APAF1: variants seen among roughly 807,000 people sequenced by gnomAD.
APAF1 encodes the protein apoptotic protease-activating factor 1.
Under a neutral mutation model 152.4 loss-of-function variants are expected in APAF1, and 91 were observed. The ratio of observed to expected loss-of-function variants is 0.60; its 90% CI spans 0.50 to 0.71. APAF1 has a LOEUF of 0.71. Ranked by LOEUF, APAF1 falls within the 30% of genes least tolerant of loss-of-function variation. APAF1 has a pLI of 0.00. For synonymous variants in APAF1, 484 were observed against 494.1 expected, an observed-to-expected ratio of 0.98 and a Z score of 0.27; for missense variants, 1,283 against 1,472.0, an observed-to-expected ratio of 0.87 and a Z score of 2.10.
chr12:98,701,784 C>T (rs1025569324), intron 17 of APAF1, among the ~76,000 whole-genome samples: 1 of 152,132 alleles, frequency 6.6e-6, no homozygotes, highest in Non-Finnish European at 1.5e-5. Context: ...ATTTCTTACC[C>T]TTTGGTCTCT....
intron 22 of APAF1, among the ~76,000 whole-genome samples, chr12:98,716,476 A>C (rs1168819930): frequency 6.6e-6 from 1 of 152,200 alleles, no homozygotes; most frequent in Non-Finnish European, 1.5e-5. Context: ...GTAGTTGGAA[A>C]TTATTTTACA....
intron 16 of APAF1, among the ~76,000 whole-genome samples, chr12:98,698,966 G>A (rs1171664512): frequency 6.6e-6 from 1 of 152,146 alleles, no homozygotes; most frequent in African/African-American, 2.4e-5. Context: ...TGGATGCTCT[G>A]CTAGGTCACG....
intron 16 of APAF1, among the ~76,000 whole-genome samples, chr12:98,693,612 T>C (rs1174969832): frequency 6.6e-6 from 1 of 152,194 alleles, no homozygotes; most frequent in African/African-American, 2.4e-5. Flanking sequence ...GATTCAAACT[T>C]ACCAGGCATT....
rs73378471 is a variant in APAF1 at position 98,731,870 on chromosome 12, G to A, written c.3601-550G>A. On this transcript the variant is annotated intron_variant, in intron 26 of 26. Coordinates refer to ENST00000551964, the MANE Select transcript of APAF1 (RefSeq NM_181861.2). The stretch of plus-strand genomic sequence containing the variant: ...GCCCTTGCTACGTTTGAGATGTTCA[G>A]TATTTGTTTAGTAAATAAATAATAT... Among the ~76,000 whole-genome samples, 885 of 152,286 alleles carry A rather than the reference G, an allele frequency of 5.8e-3. 10 individuals are homozygous for A. Among genetic ancestry groups the A allele is most frequent in the African/African-American group, 0.02 (848 of 41,542 alleles).
intron 16 of APAF1, among the ~76,000 whole-genome samples, chr12:98,693,876 T>C (rs1247223132): frequency 2.0e-5 from 3 of 151,724 alleles, no homozygotes; most frequent in Non-Finnish European, 4.4e-5. Context: ...AGAAAGAATC[T>C]ATGGGAAGTA....
At chr12:98,676,455 C>T (rs1275000827) in intron 12 of APAF1, among the ~76,000 whole-genome samples, 7 of 152,090 alleles carry the variant, frequency 4.6e-5, no homozygotes, top group African/African-American at 7.2e-5. Flanking sequence ...GTGATCTGCC[C>T]GCCTCGTCCT....
chr12:98,654,582 A>G (rs1747176959), intron 4 of APAF1, among the ~76,000 whole-genome samples: 2 of 151,808 alleles, frequency 1.3e-5, no homozygotes, highest in South Asian at 2.1e-4. Context: ...TAATTTTTGT[A>G]TTTTTAGTAG....
intron 14 of APAF1, among the ~76,000 whole-genome samples, chr12:98,682,140 G>A (rs2097693026): frequency 2.8e-5 from 4 of 144,976 alleles, no homozygotes; most frequent in Admixed American, 7.1e-5. Context: ...TGCAAGCTCC[G>A]ACTCCCGGGT....
chr12:98,676,020 T>G (rs1346752038), intron 12 of APAF1, among the ~76,000 whole-genome samples: 1 of 152,194 alleles, frequency 6.6e-6, no homozygotes, highest in Admixed American at 6.5e-5. Flanking sequence ...TTTGCTCATT[T>G]ACACACCTAA....
intron 1 of APAF1, among the ~76,000 whole-genome samples, chr12:98,647,863 T>A (rs533117429): frequency 2.3e-4 from 35 of 152,170 alleles, no homozygotes; most frequent in Non-Finnish European, 4.6e-4. Flanking sequence ...GACATTTAGG[T>A]TGCGTTCATC....
intron 16 of APAF1, 23 bp from the exon 17 acceptor site, chr12:98,699,385 T>C (rs562667179): frequency 6.2e-7 from 1 of 1,610,472 alleles, no homozygotes; most frequent in Admixed American, 1.7e-5. Context: ...AAACTTTTTC[T>C]TTTTTATTAC....
rs1326772970 is a variant in APAF1, at chr12:98,723,211, G to A, written c.3103G>A (p.Asp1035Asn). ...TATTCAGGTATGGAATTGGCAATTG[G>A]ACAAATGTATCTTTCTACGAGGCCA... The part of the protein sequence containing the change: ...AEIQVWNWQL[D>N]KCIFLRGHQE... Residue 1035 changes from aspartate (D) to asparagine (N), a missense_variant, in exon 23 of 27, where the codon GAC (aspartate) becomes AAC (asparagine). Asp to Asn is a conservative substitution (Grantham distance 23, BLOSUM62 1). Coordinates refer to ENST00000551964, the MANE Select transcript of APAF1 (RefSeq NM_181861.2). 1 of 1,613,522 alleles carries A rather than the reference G, an allele frequency of 6.2e-7. No individual in the cohort carries two copies.
At chr12:98,723,968 A>T (rs2097746776) in intron 24 of APAF1, among the ~76,000 whole-genome samples, 1 of 152,208 alleles carries the variant, frequency 6.6e-6, no homozygotes, top group South Asian at 2.1e-4. Context: ...TTTCTCCCTT[A>T]TGGATTACTT....
chr12:98,729,528 G>A (rs893385640), intron 26 of APAF1, among the ~76,000 whole-genome samples: 6 of 152,200 alleles, frequency 3.9e-5, no homozygotes, highest in Admixed American at 1.3e-4. Context: ...TCTGCTCTGC[G>A]GATGGGTTCC....
At chr12:98,681,072 T>C (rs895051925) in intron 14 of APAF1, among the ~76,000 whole-genome samples, 4 of 152,162 alleles carry the variant, frequency 2.6e-5, no homozygotes, top group Non-Finnish European at 5.9e-5. Context: ...TTTTTACTTA[T>C]TTATTTTGAG....
In APAF1 at chr12:98,734,426, G is replaced by A. The variant is rs2097766246; in HGVS notation, c.*1860G>A. On this transcript the variant is annotated 3_prime_UTR_variant, in exon 27 of 27. Coordinates refer to ENST00000551964, the MANE Select transcript of APAF1 (RefSeq NM_181861.2). ...ATGGAGATAAATTAATAGTAGATGT[G>A]GTTCCCAGAAAATATAATCAAAATT... 6.6e-6 allele frequency: 1 copy of A among 152,118 alleles called. No individual in the cohort carries two copies. The highest frequency in any genetic ancestry group is 1.5e-5 in the Non-Finnish European group (1 of 68,020). The allele number at this position is 152,118 out of a possible 1,614,324, so 9.4% of individuals were successfully genotyped here. A position where few individuals can be genotyped will look rare whatever the true frequency, so the allele number is the denominator to read the frequency against.
chr12:98,715,273 T>TG lies in APAF1; in HGVS notation c.2959-154_2959-153insG, dbSNP rs1258906419. ...ATATATATATATATATATATATATATATATATATGACATTCATTTGTTTTT... is the reference window on the plus strand; with the variant it reads ...ATATATATATATATATATATATATATGATATATATGACATTCATTTGTTTTT... On this transcript the variant is annotated intron_variant, in intron 21 of 26. Transcript: ENST00000551964. Among the ~76,000 whole-genome samples the TG allele has an allele frequency of 8.2e-5, 10 of 122,354 alleles. 1 individual carries two copies. The highest frequency in any genetic ancestry group is 6.0e-4 in the East Asian group (2 of 3,330). The allele number at this position is 122,354 out of a possible 152,430, so 80.3% of individuals were successfully genotyped here.
At chr12:98,693,898 T>C (rs566284705) in intron 16 of APAF1, among the ~76,000 whole-genome samples, 7 of 151,908 alleles carry the variant, frequency 4.6e-5, no homozygotes, top group African/African-American at 1.7e-4. Flanking sequence ...ATTTTTAAGG[T>C]GTCTTTATTA....
chr12:98,677,749 C>T (rs965409649), intron 13 of APAF1, among the ~76,000 whole-genome samples, 198 bp downstream of exon 13: 3 of 152,176 alleles, frequency 2.0e-5, no homozygotes, highest in Admixed American at 1.3e-4. Context: ...TCTAAACTTA[C>T]AGGTGGTAAG....
Sources: gnomAD v4.1 joint callset for allele counts (sites outside exome capture counted in the v4.1 genomes callset) on GRCh38, gnomAD v4.1.1 for gene constraint, MANE v1.5 for transcripts, NCBI Gene and HGNC (gene_info 2026-07-23, HGNC 2026-07-21) for gene names.